The following LRMDA variants were observed in gnomAD, a reference collection of about 807,000 sequenced individuals.
LRMDA encodes the protein leucine rich melanocyte differentiation associated.
In LRMDA, 18 loss-of-function variants were observed where a neutral mutation model predicts 29.8. That is an observed-to-expected ratio of 0.60 (90% CI 0.42 to 0.90). The LOEUF is 0.90. Among genes scored for constraint, LRMDA ranks in the 40% least tolerant of loss-of-function variants. The pLI, the probability that LRMDA is intolerant of heterozygous loss-of-function variation, is 0.00. For synonymous variants in LRMDA, 125 were observed against 109.4 expected, an observed-to-expected ratio of 1.14 and a Z score of -0.89; for missense variants, 273 against 273.9, an observed-to-expected ratio of 1.00 and a Z score of 0.02.
chr10:76,462,629 A>G (rs999814716), intron 6 of LRMDA, among the ~76,000 whole-genome samples: 1 of 152,134 alleles, frequency 6.6e-6, no homozygotes, highest in Admixed American at 6.5e-5. Context: ...ATCCCGCACC[A>G]TCTTTGCCTG....
intron 6 of LRMDA, among the ~76,000 whole-genome samples, chr10:76,325,246 A>C (rs1414974886): frequency 1.3e-5 from 2 of 152,150 alleles, no homozygotes; most frequent in Non-Finnish European, 2.9e-5. Context: ...ATGCTCAGAA[A>C]GTAGTGAATC....
chr10:75,507,032 G>C (rs1158358461), intron 2 of LRMDA, among the ~76,000 whole-genome samples: 1 of 152,016 alleles, frequency 6.6e-6, no homozygotes, highest in Non-Finnish European at 1.5e-5. Context: ...GTCTTGCCTG[G>C]TCTCTCAAAC....
chr10:75,759,569 T>C (rs911467756), intron 2 of LRMDA, among the ~76,000 whole-genome samples: 9 of 152,204 alleles, frequency 5.9e-5, no homozygotes, highest in African/African-American at 1.9e-4. Context: ...TCTTGTAGGC[T>C]AAGAAGCCCA....
chr10:75,805,429 T>C (rs899465133), intron 2 of LRMDA, among the ~76,000 whole-genome samples: 5 of 152,200 alleles, frequency 3.3e-5, no homozygotes, highest in African/African-American at 1.2e-4. Context: ...GCGAGATATT[T>C]AATGAGACAT....
intron 2 of LRMDA, among the ~76,000 whole-genome samples, chr10:75,612,210 G>C (rs1164804121): frequency 2.0e-5 from 3 of 152,228 alleles, no homozygotes; most frequent in African/African-American, 7.2e-5. Flanking sequence ...TACTTATGCA[G>C]TGCCTTTGAA....
At chr10:76,289,152 A>G (rs932650195) in intron 5 of LRMDA, among the ~76,000 whole-genome samples, 2 of 152,190 alleles carry the variant, frequency 1.3e-5, no homozygotes, top group African/African-American at 4.8e-5. Flanking sequence ...TTTCTCTAGG[A>G]AGGACAAACT....
intron 5 of LRMDA, among the ~76,000 whole-genome samples, chr10:76,202,011 C>T (rs1851440768): frequency 6.6e-6 from 1 of 151,926 alleles, no homozygotes; most frequent in African/African-American, 2.4e-5. Context: ...CTTCATGTGG[C>T]CTTTCCTTTT....
chr10:76,162,115 T>C (rs957189257), intron 5 of LRMDA, among the ~76,000 whole-genome samples: 10 of 152,232 alleles, frequency 6.6e-5, no homozygotes, highest in Non-Finnish European at 8.8e-5. Flanking sequence ...GCAAGTGTTA[T>C]TTGCATGTCC....
At chr10:76,001,282 CAT>C (rs1847558814) in intron 2 of LRMDA, among the ~76,000 whole-genome samples, 1 of 152,220 alleles carries the variant, frequency 6.6e-6, no homozygotes, top group Non-Finnish European at 1.5e-5. Context: ...TCAACCATCA[CAT>C]GTGTTTTCCC....
intron 2 of LRMDA, among the ~76,000 whole-genome samples, chr10:75,509,386 T>A (rs1224450794): frequency 6.6e-6 from 1 of 152,250 alleles, no homozygotes; most frequent in Non-Finnish European, 1.5e-5. Context: ...TTCCTTTTAC[T>A]TTCTGCTTCC....
At chr10:76,295,303 A>G (rs1045571458) in intron 5 of LRMDA, among the ~76,000 whole-genome samples, 16 of 152,236 alleles carry the variant, frequency 1.1e-4, no homozygotes, top group African/African-American at 3.9e-4. Context: ...TTTGTAAGGC[A>G]TTGTAGAAGA....
At position 75,879,407 on chromosome 10, in the gene LRMDA, G is replaced by A. The variant is rs144463433; in HGVS notation, c.132-156601G>A. ...AGTAGACACTCTTTAATTTCCAACC[G>A]CCTTGAGCCCTGGAATCTGCATCAG... On this transcript the variant is annotated intron_variant, in intron 2 of 6. Coordinates refer to ENST00000611255, the MANE Select transcript of LRMDA (RefSeq NM_001305581.2). Among the ~76,000 whole-genome samples the A allele has an allele frequency of 7.6e-3, 1,161 of 152,262 alleles. 10 individuals are homozygous for A. The highest frequency in any genetic ancestry group is 0.037 in the East Asian group (191 of 5,180).
intron 2 of LRMDA, among the ~76,000 whole-genome samples, chr10:76,027,287 A>G (rs567941200): frequency 6.6e-6 from 1 of 152,298 alleles, no homozygotes; most frequent in South Asian, 2.1e-4. Context: ...GGCGATTCAT[A>G]CTAAGTCCTC....
intron 6 of LRMDA, among the ~76,000 whole-genome samples, chr10:76,423,522 A>T (rs1338431021): frequency 6.6e-6 from 1 of 152,208 alleles, no homozygotes; most frequent in East Asian, 1.9e-4. Context: ...ATACCCTTTC[A>T]TAAGGTTGTT....
chr10:76,329,851 AAATT>A (rs1840883464), intron 6 of LRMDA, among the ~76,000 whole-genome samples: 1 of 152,242 alleles, frequency 6.6e-6, no homozygotes, highest in East Asian at 1.9e-4. Flanking sequence ...GTGTTTTTTT[AAATT>A]ATTTAAAACA....
intron 2 of LRMDA, among the ~76,000 whole-genome samples, chr10:75,977,941 C>A (rs1847102874): frequency 6.6e-6 from 1 of 152,120 alleles, no homozygotes; most frequent in Non-Finnish European, 1.5e-5. Flanking sequence ...TGGTCCCTGT[C>A]TTGTAAGTTT....
intron 5 of LRMDA, among the ~76,000 whole-genome samples, chr10:76,220,908 A>G (rs1294741688): frequency 2.0e-5 from 3 of 152,148 alleles, no homozygotes; most frequent in African/African-American, 7.2e-5. Context: ...CAGCACATCA[A>G]GAAGCTTATC....
At chr10:76,385,804 T>C (rs1408329469) in intron 6 of LRMDA, among the ~76,000 whole-genome samples, 1 of 152,250 alleles carries the variant, frequency 6.6e-6, no homozygotes, top group Non-Finnish European at 1.5e-5. Flanking sequence ...TGCCATTTAA[T>C]GTGTATGCAT....
chr10:76,006,983 C>CGTGTGTGTGTGTGTGT (rs572881040), intron 2 of LRMDA, among the ~76,000 whole-genome samples: 1,527 of 116,062 alleles, frequency 0.013, 50 homozygotes, highest in East Asian at 0.034. Flanking sequence ...ATGGAGAAGG[C>CGTGTGTGTGTGTGTGT]GTGTGTGTGT....
Sources: allele counts gnomAD v4.1 joint callset (sites outside exome capture counted in the v4.1 genomes callset), GRCh38; gene constraint gnomAD v4.1.1; transcripts MANE v1.5; gene names NCBI Gene and HGNC (gene_info 2026-07-23, HGNC 2026-07-21).